NELL2: variants seen among roughly 807,000 people sequenced by gnomAD.
NELL2 encodes the protein protein kinase C-binding protein NELL2.
A neutral mutation model predicts 109.6 loss-of-function variants in NELL2; 41 were observed. That is an observed-to-expected ratio of 0.37 (90% CI 0.29 to 0.49). The LOEUF (loss-of-function observed/expected upper bound fraction) is 0.49, where lower values mean the gene tolerates loss of function less well. Among genes scored for constraint, NELL2 ranks in the 20% least tolerant of loss-of-function variants. The pLI is 0.98. For missense variants in NELL2, 900 were observed against 1,008.3 expected (o/e 0.89, Z 1.45); for synonymous variants, 355 against 344.7 (o/e 1.03, Z -0.33).
intron 16 of NELL2, among the ~76,000 whole-genome samples, chr12:44,529,358 A>G (rs1268314721): frequency 6.6e-6 from 1 of 152,224 alleles, no homozygotes; most frequent in Non-Finnish European, 1.5e-5. Context: ...TGTAGGACTT[A>G]GAAAGTAAAT....
At chr12:44,658,876 C>CAA (rs758903947) in intron 13 of NELL2, among the ~76,000 whole-genome samples, 10,705 of 96,818 alleles carry the variant, frequency 0.11, 786 homozygotes, top group East Asian at 0.18. Flanking sequence ...GACTCTGTCT[C>CAA]CAAAAAAAAA....
Position 44,774,690 on chromosome 12 carries a change from A to T in NELL2, c.994+57T>A, listed in dbSNP as rs961315957. ...TTAAACCAATGATGGGTGAATACTT[A>T]TTAATACAGTGCTTTATTTTTCCAA... On this transcript the variant is annotated intron_variant, in intron 9 of 19. Transcript: ENST00000429094. 3 of 1,380,864 alleles carry T rather than the reference A, an allele frequency of 2.2e-6. No individual in the cohort carries two copies. The African/African-American group carries it at 4.3e-5, about 20-fold the overall frequency. The allele number at this position is 1,380,864 out of a possible 1,614,324, so 85.5% of individuals were successfully genotyped here. A position where few individuals can be genotyped will look rare whatever the true frequency, so the allele number is the denominator to read the frequency against.
In NELL2 at chr12:44,522,172, C is replaced by T; in HGVS notation, c.2003G>A (p.Gly668Glu). The T allele has an allele frequency of 6.2e-7, 1 of 1,612,894 alleles. No individual in the cohort carries two copies. The highest frequency in any genetic ancestry group is 8.5e-7 in the Non-Finnish European group (1 of 1,179,654). The change falls in exon 18 of 20, where the codon GGA becomes GAA. Residue 668 changes from glycine (G) to glutamate (E), a missense_variant. Around this residue, in one of 4 missense-constraint regions of NELL2, gnomAD observed 333 missense variants for 432.3 expected, o/e 0.77. Transcript: ENST00000429094. Reference protein sequence around the residue: ...DRCSVCSCQNGFVMCRRMVCD... With the variant: ...DRCSVCSCQNEFVMCRRMVCD... ...GACCATCCGTCGACACATAACGAATCCATTCTGTATGAAAAAGAAAAAAAG... is the reference window on the plus strand; with the variant it reads ...GACCATCCGTCGACACATAACGAATTCATTCTGTATGAAAAAGAAAAAAAG...
chr12:44,590,306 G>A (rs1944698044), intron 15 of NELL2, among the ~76,000 whole-genome samples: 1 of 152,048 alleles, frequency 6.6e-6, no homozygotes, highest in Non-Finnish European at 1.5e-5. Flanking sequence ...TCTAACAGCT[G>A]CTTCCCAGTT....
At chr12:44,859,764 C>A (rs184568886) in intron 2 of NELL2, among the ~76,000 whole-genome samples, 2 of 152,284 alleles carry the variant, frequency 1.3e-5, no homozygotes, top group East Asian at 3.9e-4. Flanking sequence ...CTCTTCATTT[C>A]AGCTGTTACC....
chr12:44,630,692 C>A (rs1209596067), intron 13 of NELL2, among the ~76,000 whole-genome samples: 1 of 152,062 alleles, frequency 6.6e-6, no homozygotes, highest in Non-Finnish European at 1.5e-5. Context: ...AATGAGGATT[C>A]ACTAAAACAC....
intron 15 of NELL2, among the ~76,000 whole-genome samples, chr12:44,536,817 A>G (rs1225268647): frequency 6.6e-6 from 1 of 152,020 alleles, no homozygotes; most frequent in African/African-American, 2.4e-5. Context: ...GTCCAAAAGC[A>G]CAGAGAATCT....
chr12:44,814,458 T>A (rs1943272916), intron 3 of NELL2, among the ~76,000 whole-genome samples: 1 of 152,170 alleles, frequency 6.6e-6, no homozygotes, highest in Non-Finnish European at 1.5e-5. Context: ...AGAGACACAC[T>A]GCTATAAACA....
At chr12:44,671,651 A>C (rs1465080397) in intron 12 of NELL2, among the ~76,000 whole-genome samples, 1 of 152,216 alleles carries the variant, frequency 6.6e-6, no homozygotes, top group African/African-American at 2.4e-5. Context: ...ATGTTAATAA[A>C]TTTAAAAACT....
chr12:44,915,965 T>A (rs541277716), upstream of NELL2, among the ~76,000 whole-genome samples: 1 of 152,258 alleles, frequency 6.6e-6, no homozygotes, highest in Non-Finnish European at 1.5e-5. Flanking sequence ...AGGTTCAGAG[T>A]AGTCTAAAAG....
intron 2 of NELL2, among the ~76,000 whole-genome samples, chr12:44,817,857 TTCC>T (rs1386545249): frequency 1.3e-5 from 2 of 152,204 alleles, no homozygotes; most frequent in Admixed American, 6.5e-5. Context: ...AACCCTTGAC[TTCC>T]TCTCTGCTAC....
At chr12:44,690,406 T>A (rs1191805492) in intron 12 of NELL2, among the ~76,000 whole-genome samples, 1 of 152,142 alleles carries the variant, frequency 6.6e-6, no homozygotes, top group East Asian at 1.9e-4. Context: ...CACCTGGAGA[T>A]CTTGTTAACA....
intron 3 of NELL2, among the ~76,000 whole-genome samples, chr12:44,786,836 T>C (rs1463486543): frequency 6.6e-6 from 1 of 151,950 alleles, no homozygotes; most frequent in Admixed American, 6.6e-5. Context: ...TGAGAACACA[T>C]GGACACAGAG....
At chr12:44,520,278 T>C (rs754953934) in intron 18 of NELL2, 49 bp from the exon 19 acceptor site, 11 of 1,469,436 alleles carry the variant, frequency 7.5e-6, no homozygotes, top group Non-Finnish European at 1.0e-5. Context: ...GAGGAGGAAA[T>C]GGAGGGAGGC....
intron 15 of NELL2, among the ~76,000 whole-genome samples, chr12:44,564,986 A>G (rs758777419): frequency 6.6e-6 from 1 of 152,168 alleles, no homozygotes; most frequent in Non-Finnish European, 1.5e-5. Context: ...CCCCTGAATC[A>G]GAATCCTCTG....
At chr12:44,673,157 G>A (rs1948200166) in intron 12 of NELL2, among the ~76,000 whole-genome samples, 4 of 152,192 alleles carry the variant, frequency 2.6e-5, no homozygotes, top group Admixed American at 2.0e-4. Context: ...CCTGTCTGCA[G>A]AGGAAGAACT....
chr12:44,914,907 TGGCGTGATCTC>T (rs1945816241), upstream of NELL2, among the ~76,000 whole-genome samples: 1 of 151,964 alleles, frequency 6.6e-6, no homozygotes, highest in Admixed American at 6.6e-5. Context: ...TGGAGTGCAG[TGGCGTGATCTC>T]GGCTCACTGT....
intron 2 of NELL2, among the ~76,000 whole-genome samples, chr12:44,833,182 A>G (rs1328321675): frequency 5.9e-5 from 9 of 152,200 alleles, no homozygotes; most frequent in Admixed American, 5.9e-4. Context: ...TTCCTTTTTT[A>G]AAATTCAAGC....
upstream of NELL2, among the ~76,000 whole-genome samples, chr12:44,918,512 CATGT>C (rs200194730): frequency 0.026 from 2,918 of 113,340 alleles, 39 homozygotes; most frequent in African/African-American, 0.043. Context: ...TTCATGCATG[CATGT>C]ATGTGTGTGT....
Sources: allele counts gnomAD v4.1 joint callset (sites outside exome capture counted in the v4.1 genomes callset), GRCh38; gene constraint gnomAD v4.1.1; regional missense constraint gnomAD v4.1.1; transcripts MANE v1.5; gene names NCBI Gene and HGNC (gene_info 2026-07-23, HGNC 2026-07-21).